GALNT7: variants seen among roughly 807,000 people sequenced by gnomAD.
The protein encoded by GALNT7 is N-acetylgalactosaminyltransferase 7.
Under a neutral mutation model 82.1 loss-of-function variants are expected in GALNT7, and 60 were observed. That is an observed-to-expected ratio of 0.73 (90% CI 0.59 to 0.91). GALNT7 has a LOEUF of 0.91. Ranked by LOEUF, GALNT7 falls within the 40% of genes least tolerant of loss-of-function variation. The pLI is 0.00. For synonymous variants in GALNT7, 243 were observed against 275.1 expected (o/e 0.88, Z 1.15); for missense variants, 660 against 804.2 (o/e 0.82, Z 2.17).
intron 2 of GALNT7, among the ~76,000 whole-genome samples, chr4:173,253,718 TGGTTAG>T (rs915015897): frequency 1.3e-5 from 2 of 152,128 alleles, no homozygotes; most frequent in African/African-American, 4.8e-5. Context: ...AGAAAGAGGC[TGGTTAG>T]GATAGAACAG....
At chr4:173,265,201 G>A (rs1735435575) in intron 2 of GALNT7, among the ~76,000 whole-genome samples, 2 of 152,290 alleles carry the variant, frequency 1.3e-5, no homozygotes, top group Non-Finnish European at 2.9e-5. Flanking sequence ...ATATTGCCAA[G>A]CTCAACCATG....
intron 1 of GALNT7, among the ~76,000 whole-genome samples, chr4:173,237,134 A>ATGT (rs1176377538): frequency 6.6e-6 from 1 of 152,188 alleles, no homozygotes; most frequent in East Asian, 1.9e-4. Flanking sequence ...TGGTAATAAA[A>ATGT]TGTTGTTCTA....
rs1238705060 is a variant in GALNT7, at chr4:173,302,077, C to T, written c.1179C>T (p.Ala393=). Residue 393 remains alanine, a synonymous_variant, in exon 7 of 12, where the codon GCC becomes GCT. Coordinates refer to ENST00000265000, the MANE Select transcript of GALNT7 (RefSeq NM_017423.3). The surrounding 1 kb of genome is among the most constrained non-coding windows in gnomAD (Gnocchi z 4.2). The stretch of plus-strand genomic sequence containing the variant: ...CAGCCATGGCTGGGGGATTATTTGC[C>T]ATTGAACGAGAGTTCTTCTTTGAAT... The part of the protein sequence containing the change: ...RSPAMAGGLF[A]IEREFFFELG... The T allele has an allele frequency of 6.3e-7, 1 of 1,593,634 alleles. No homozygotes were observed. The highest frequency in any genetic ancestry group is 1.1e-5 in the South Asian group (1 of 90,642).
chr4:173,300,827 C>T (rs926114332), intron 6 of GALNT7, among the ~76,000 whole-genome samples: 2 of 151,996 alleles, frequency 1.3e-5, no homozygotes, highest in African/African-American at 4.8e-5. Context: ...GGAAATAAGT[C>T]AGCAGATTCA....
At chr4:173,246,406 A>G (rs1734636887) in intron 1 of GALNT7, among the ~76,000 whole-genome samples, 2 of 152,202 alleles carry the variant, frequency 1.3e-5, no homozygotes, top group Admixed American at 6.5e-5. Context: ...TGTTATATAT[A>G]CACATGTATG....
intron 1 of GALNT7, among the ~76,000 whole-genome samples, chr4:173,224,135 CTG>C (rs1478253131): frequency 6.6e-6 from 1 of 152,118 alleles, no homozygotes; most frequent in Non-Finnish European, 1.5e-5. Context: ...CCATCAGACT[CTG>C]TTGTTACATC....
intron 1 of GALNT7, among the ~76,000 whole-genome samples, chr4:173,172,135 T>G (rs1731897627): frequency 6.6e-6 from 1 of 152,214 alleles, no homozygotes; most frequent in Non-Finnish European, 1.5e-5. Flanking sequence ...AAGAAGGCCA[T>G]GTGGGCTACT....
At chr4:173,187,383 G>GAA (rs200424472) in intron 1 of GALNT7, among the ~76,000 whole-genome samples, 8 of 100,920 alleles carry the variant, frequency 7.9e-5, no homozygotes, top group East Asian at 2.7e-4. Flanking sequence ...GAGGACATTA[G>GAA]AAAAAAAAAA....
chr4:173,240,953 A>G (rs1489745769), intron 1 of GALNT7, among the ~76,000 whole-genome samples: 1 of 152,144 alleles, frequency 6.6e-6, no homozygotes, highest in Non-Finnish European at 1.5e-5. Context: ...TAAAAAGGGA[A>G]TTCAGTCTCC....
chr4:173,201,166 T>C (rs1344047186), intron 1 of GALNT7, among the ~76,000 whole-genome samples: 4 of 152,226 alleles, frequency 2.6e-5, no homozygotes, highest in Admixed American at 1.3e-4. Context: ...TAAGACCTTT[T>C]AGAATGAATT....
chr4:173,229,253 G>T (rs777167036), intron 1 of GALNT7, among the ~76,000 whole-genome samples: 1 of 152,050 alleles, frequency 6.6e-6, no homozygotes, highest in Admixed American at 6.5e-5. Flanking sequence ...CCTAGTGGGC[G>T]TCATAGTAAG....
At chr4:173,244,588 A>G (rs1209221840) in intron 1 of GALNT7, among the ~76,000 whole-genome samples, 3 of 152,172 alleles carry the variant, frequency 2.0e-5, no homozygotes, top group Admixed American at 2.0e-4. Flanking sequence ...CATCTATAAA[A>G]TAGACATGGC....
intron 1 of GALNT7, among the ~76,000 whole-genome samples, chr4:173,214,514 T>C (rs1733380745): frequency 6.6e-6 from 1 of 152,094 alleles, no homozygotes; most frequent in African/African-American, 2.4e-5. Flanking sequence ...TTAGATTGAG[T>C]CTACAGGGGA....
intron 2 of GALNT7, among the ~76,000 whole-genome samples, chr4:173,276,671 C>T (rs1735923770): frequency 6.6e-6 from 1 of 152,158 alleles, no homozygotes; most frequent in Non-Finnish European, 1.5e-5. Context: ...CTGTTCAGCA[C>T]ACCCTATTGT....
At chr4:173,221,214 T>C (rs907875749) in intron 1 of GALNT7, among the ~76,000 whole-genome samples, 1 of 152,158 alleles carries the variant, frequency 6.6e-6, no homozygotes. Context: ...TGAGATGATA[T>C]CTCATTGTGG....
intron 1 of GALNT7, among the ~76,000 whole-genome samples, chr4:173,213,014 T>G (rs1479618438): frequency 6.6e-6 from 1 of 152,156 alleles, no homozygotes; most frequent in East Asian, 1.9e-4. Context: ...CAAATGGATG[T>G]AATTGTATAT....
At chr4:173,289,806 T>G (rs531198840) in intron 2 of GALNT7, among the ~76,000 whole-genome samples, 48 of 143,332 alleles carry the variant, frequency 3.3e-4, no homozygotes, top group African/African-American at 1.4e-3. Context: ...GTAGCCTGAG[T>G]TTTTTTTTTC....
intron 2 of GALNT7, among the ~76,000 whole-genome samples, chr4:173,286,811 C>A (rs779608800): frequency 8.5e-5 from 13 of 152,342 alleles, no homozygotes; most frequent in Admixed American, 2.0e-4. Flanking sequence ...ATCCCCTCAA[C>A]TGTTAAAGGA....
chr4:173,285,726 G>A (rs756811352), intron 2 of GALNT7, among the ~76,000 whole-genome samples: 1 of 152,138 alleles, frequency 6.6e-6, no homozygotes, highest in Non-Finnish European at 1.5e-5. Context: ...GACAGAAGAA[G>A]ATCCAGCAGC....
Sources: gnomAD v4.1 joint callset for allele counts (sites outside exome capture counted in the v4.1 genomes callset) on GRCh38, gnomAD v4.1.1 for gene constraint, Gnocchi (gnomAD v3.1) non-coding constraint, MANE v1.5 for transcripts, NCBI Gene and HGNC (gene_info 2026-07-23, HGNC 2026-07-21) for gene names.